SRSF11: variants seen among roughly 807,000 people sequenced by gnomAD.
The protein encoded by SRSF11 is serine/arginine-rich splicing factor 11.
Under a neutral mutation model 56.0 loss-of-function variants are expected in SRSF11, and 9 were observed. That is an observed-to-expected ratio of 0.16 (90% CI 0.10 to 0.28). The LOEUF (loss-of-function observed/expected upper bound fraction) is 0.28, where lower values mean the gene tolerates loss of function less well. Ranked by LOEUF, SRSF11 falls within the 10% of genes least tolerant of loss-of-function variation. The probability of loss-of-function intolerance (pLI) is 1.00; values close to 1 mark genes in which losing one functional copy is unlikely to be tolerated. For missense variants in SRSF11, 421 were observed against 600.7 expected, an observed-to-expected ratio of 0.70 and a Z score of 3.13; for synonymous variants, 222 against 215.3, an observed-to-expected ratio of 1.03 and a Z score of -0.27.
In SRSF11 at chr1:70,234,474, A is replaced by G. The variant is rs762195927; in HGVS notation, c.448-222A>G. Among the ~76,000 whole-genome samples the G allele has an allele frequency of 9.2e-5, 14 of 152,170 alleles. No homozygotes were observed. The South Asian group carries it at 1.5e-3, about 16-fold the overall frequency. On this transcript the variant is annotated intron_variant, in intron 3 of 11. Coordinates refer to ENST00000370949, the MANE Select transcript of SRSF11 (RefSeq NM_001350605.2). ...GCAAGACTCCTATTTCTGTTAATAG[A>G]TTGTTATTGGACCACAGCCATTTGT...
At chr1:70,249,009 C>G (rs989116341) in intron 9 of SRSF11, 1 of 151,986 alleles carries the variant, frequency 6.6e-6, no homozygotes, top group Non-Finnish European at 1.5e-5. Context: ...AATTAGACAA[C>G]TAAGTACAGG....
chr1:70,237,296 A>G, intron 5 of SRSF11, 129 bp from the exon 6 acceptor site: 1 of 1,150,628 alleles, frequency 8.7e-7, no homozygotes, highest in Non-Finnish European at 1.2e-6. Flanking sequence ...CAAAGTTATC[A>G]TGGAGTCCTC....
At chr1:70,218,203 C>T (rs190638594), upstream of SRSF11, among the ~76,000 whole-genome samples, 1 of 152,160 alleles carries the variant, frequency 6.6e-6, no homozygotes, top group African/African-American at 2.4e-5. Flanking sequence ...CTCCTGACCT[C>T]GTGATCCGCC....
chr1:70,231,815 CT>C (rs1341279363), intron 2 of SRSF11: 2 of 1,392,136 alleles, frequency 1.4e-6, no homozygotes, highest in Non-Finnish European at 1.9e-6. Context: ...CTAAATCAAA[CT>C]TTTTTTGTCT....
intron 9 of SRSF11, chr1:70,248,763 A>T (rs1433765092): frequency 1.3e-5 from 2 of 152,092 alleles, no homozygotes; most frequent in Non-Finnish European, 2.9e-5. Flanking sequence ...TCTGTGAGTT[A>T]TTAAATACCC....
chr1:70,214,607 A>G (rs1158151440), intron 1 of SRSF11, among the ~76,000 whole-genome samples: 1 of 152,156 alleles, frequency 6.6e-6, no homozygotes, highest in Non-Finnish European at 1.5e-5. Context: ...AAGACAATAT[A>G]TATTAAACGA....
upstream of SRSF11, chr1:70,221,305 T>G (rs1453048750): frequency 3.1e-6 from 1 of 324,660 alleles, no homozygotes; most frequent in Non-Finnish European, 5.6e-6. Flanking sequence ...AGGCGACGGC[T>G]GCTGGGCCTG....
intron 1 of SRSF11, among the ~76,000 whole-genome samples, chr1:70,206,392 G>A (rs1303726556): frequency 2.0e-5 from 3 of 151,198 alleles, no homozygotes; most frequent in African/African-American, 7.3e-5. Flanking sequence ...ACCGCATAAG[G>A]TTTTTGAAAT....
At chr1:70,208,861 ACT>A (rs1318478913) in intron 1 of SRSF11, among the ~76,000 whole-genome samples, 1 of 152,060 alleles carries the variant, frequency 6.6e-6, no homozygotes, top group Non-Finnish European at 1.5e-5. Flanking sequence ...AAAAATTCTA[ACT>A]CTTTTTCAAC....
intron 8 of SRSF11, among the ~76,000 whole-genome samples, chr1:70,245,937 G>A (rs906070618): frequency 2.0e-5 from 3 of 152,094 alleles, no homozygotes; most frequent in African/African-American, 7.2e-5. Flanking sequence ...CCTACTAGGG[G>A]ACTGTTCTAG....
Position 70,246,728 on chromosome 1 carries a change from G to A in SRSF11, c.933-90G>A, listed in dbSNP as rs1676855291. ...ATTTATGCTTTTAAGGATGGGATTA[G>A]ATCTGATTATATTTTTGTGTTTGTA... On this transcript the variant is annotated intron_variant, in intron 8 of 11. Coordinates refer to ENST00000370949, the MANE Select transcript of SRSF11 (RefSeq NM_001350605.2). The A allele has an allele frequency of 5.5e-6, 4 of 725,784 alleles. No homozygotes were observed. The South Asian group carries it at 6.3e-5, about 11-fold the overall frequency. 45.0% of individuals were successfully genotyped at this position (725,784 alleles called of 1,614,324 possible).
chr1:70,214,117 G>A (rs921369222), intron 1 of SRSF11, among the ~76,000 whole-genome samples: 9 of 152,240 alleles, frequency 5.9e-5, no homozygotes, highest in South Asian at 4.1e-4. Context: ...TACGAAAAAC[G>A]TATTAAAATG....
At chr1:70,209,810 G>A (rs1571548250) in intron 1 of SRSF11, among the ~76,000 whole-genome samples, 1 of 122,530 alleles carries the variant, frequency 8.2e-6, no homozygotes, top group East Asian at 2.5e-4. Flanking sequence ...TATTGCCCAG[G>A]CTGTTCTCAA....
At chr1:70,207,907 G>A (rs1200813832) in intron 1 of SRSF11, among the ~76,000 whole-genome samples, 1 of 151,860 alleles carries the variant, frequency 6.6e-6, no homozygotes, top group African/African-American at 2.4e-5. Flanking sequence ...GTAGAAACGA[G>A]TCTGTGTTGC....
chr1:70,251,831 A>T lies in SRSF11; in HGVS notation c.*1026A>T, dbSNP rs1678002215. 6.6e-6 allele frequency: 1 copy of T among 152,588 alleles called. No homozygotes were observed. The highest frequency in any genetic ancestry group is 1.5e-5 in the Non-Finnish European group (1 of 67,996). The allele number at this position is 152,588 out of a possible 1,614,324, so 9.5% of individuals were successfully genotyped here. A position where few individuals can be genotyped will look rare whatever the true frequency, so the allele number is the denominator to read the frequency against. On this transcript the variant is annotated 3_prime_UTR_variant, in exon 12 of 12. Coordinates refer to ENST00000370949, the MANE Select transcript of SRSF11 (RefSeq NM_001350605.2). ...TTACTGCAGTAGTAATCTTATGCAC[A>T]CGGTGATTTCATGTTATATATGCAA...
At chr1:70,243,127 T>C (rs1477033833) in intron 7 of SRSF11, among the ~76,000 whole-genome samples, 1 of 151,930 alleles carries the variant, frequency 6.6e-6, no homozygotes, top group Non-Finnish European at 1.5e-5. Context: ...ACAGAAGCTA[T>C]ATTAGTACAT....
rs775431877 is a variant in SRSF11 at position 70,237,489 on chromosome 1, A to T, written c.655A>T (p.Ile219Leu). The change falls in exon 6 of 12, where the codon ATA becomes TTA. Residue 219 changes from isoleucine to leucine, a missense_variant. Transcript: ENST00000370949. ...GAAATCGGATACCTCTAGTAAAGAA[A>T]TAGAGGAAGCTATGAAAAGAGTACG... ...SLKSDTSSKE[I>L]EEAMKRVREA... 3 of 1,614,042 alleles carry T rather than the reference A, an allele frequency of 1.9e-6. No individual in the cohort carries two copies. In the South Asian group the frequency reaches 3.3e-5, roughly 18 times the overall value.
upstream of SRSF11, among the ~76,000 whole-genome samples, chr1:70,216,460 T>TCTCAAC (rs1670016413): frequency 1.3e-5 from 2 of 150,670 alleles, no homozygotes; most frequent in Non-Finnish European, 3.0e-5. Flanking sequence ...TGAGATAAGG[T>TCTCAAC]CTCACTCTGT....
chr1:70,213,520 G>A (rs1669750940), intron 1 of SRSF11, among the ~76,000 whole-genome samples: 1 of 152,090 alleles, frequency 6.6e-6, no homozygotes, highest in African/African-American at 2.4e-5. Flanking sequence ...GACAAGACAT[G>A]GTAGGAGACA....
Sources: gnomAD v4.1 joint callset for allele counts (sites outside exome capture counted in the v4.1 genomes callset) on GRCh38, gnomAD v4.1.1 for gene constraint, MANE v1.5 for transcripts, NCBI Gene and HGNC (gene_info 2026-07-23, HGNC 2026-07-21) for gene names.